Variants in GP2 observed in about 807,000 individuals in gnomAD.
GP2 encodes the protein pancreatic secretory granule membrane major glycoprotein GP2.
A neutral mutation model predicts 60.8 loss-of-function variants in GP2; 58 were observed. That is an observed-to-expected ratio of 0.95 (90% confidence interval 0.77 to 1.19). The LOEUF (loss-of-function observed/expected upper bound fraction) is 1.19. Among genes scored for constraint, GP2 ranks in the 50% most tolerant of loss-of-function variants. GP2 has a pLI of 0.00. For missense variants in GP2, 647 were observed against 667.4 expected, an observed-to-expected ratio of 0.97 and a Z score of 0.34; for synonymous variants, 280 against 253.4, an observed-to-expected ratio of 1.10 and a Z score of -1.00.
At position 20,319,762 on chromosome 16, in the gene GP2, G is replaced by T. The variant is rs1567289374; in HGVS notation, c.865C>A (p.Gln289Lys). The part of the protein sequence containing the change: ...SACRNILERN[Q>K]THAIYKNTLS... ...GTGTTTTTGTAGATGGCATGGGTTT[G>T]ATTTCTCTTTGGCAAAAAAACAAAA... The change falls in exon 6 of 11, where the codon CAA becomes AAA. Residue 289 changes from glutamine to lysine, a missense_variant. Physicochemically the swap from Gln to Lys is moderately conservative, Grantham distance 53. Coordinates refer to ENST00000302555, the MANE Select transcript of GP2 (RefSeq NM_001502.4). 6 of 1,612,718 alleles carry T rather than the reference G, an allele frequency of 3.7e-6. No individual in the cohort carries two copies. The highest frequency in any genetic ancestry group is 3.3e-4 in the Middle Eastern group (2 of 6,052).
intron 2 of GP2, 48 bp downstream of exon 2, chr16:20,326,290 G>A (rs1273763311): frequency 6.3e-7 from 1 of 1,581,840 alleles, no homozygotes; most frequent in African/African-American, 1.3e-5. Context: ...ATCCTCACTT[G>A]CTAGGTCTTC....
intron 10 of GP2, among the ~76,000 whole-genome samples, chr16:20,313,278 TG>T: frequency 6.6e-6 from 1 of 151,684 alleles, no homozygotes. Flanking sequence ...TCTCTCTCTC[TG>T]CGTGTGTGTG....
At chr16:20,322,494 A>C (rs1265333777) in intron 4 of GP2, among the ~76,000 whole-genome samples, 1 of 152,136 alleles carries the variant, frequency 6.6e-6, no homozygotes, top group Non-Finnish European at 1.5e-5. Flanking sequence ...TCAGGCTCAG[A>C]GACAGTAGTG....
At chr16:20,317,854 C>A (rs1359214470) in intron 7 of GP2, among the ~76,000 whole-genome samples, 1 of 152,080 alleles carries the variant, frequency 6.6e-6, no homozygotes, top group Admixed American at 6.5e-5. Flanking sequence ...GATATTTCAC[C>A]CCACAACATT....
chr16:20,317,495 C>T (rs1964222714), intron 7 of GP2, 120 bp from the exon 8 acceptor site: 1 of 724,534 alleles, frequency 1.4e-6, no homozygotes, highest in Admixed American at 2.6e-5. Flanking sequence ...CTGTTTCCTC[C>T]AAGATGTTAT....
chr16:20,322,200 G>A (rs1964384373), intron 4 of GP2, among the ~76,000 whole-genome samples: 2 of 152,206 alleles, frequency 1.3e-5, no homozygotes, highest in African/African-American at 2.4e-5. Flanking sequence ...TCAGAGGAAG[G>A]CATGCTTGTG....
intron 4 of GP2, among the ~76,000 whole-genome samples, chr16:20,321,261 C>T (rs1481259594): frequency 6.6e-6 from 1 of 151,960 alleles, no homozygotes; most frequent in African/African-American, 2.4e-5. Context: ...GGGGTTTTGC[C>T]ATATTGGCCA....
intron 2 of GP2, among the ~76,000 whole-genome samples, chr16:20,325,020 T>C (rs1964494630): frequency 6.6e-6 from 1 of 152,232 alleles, no homozygotes; most frequent in South Asian, 2.1e-4. Context: ...TCGCCCCCAG[T>C]TGAGAACCAC....
intron 10 of GP2, among the ~76,000 whole-genome samples, chr16:20,313,169 A>T (rs748032190): frequency 6.6e-6 from 1 of 152,048 alleles, no homozygotes; most frequent in African/African-American, 2.4e-5. Flanking sequence ...TCTTAATAGT[A>T]TGTGCTTTCC....
chr16:20,313,939 C>G (rs998148665), intron 10 of GP2, among the ~76,000 whole-genome samples: 3 of 152,182 alleles, frequency 2.0e-5, no homozygotes, highest in Non-Finnish European at 4.4e-5. Flanking sequence ...GGGTCTTTGA[C>G]AGCTTTATGG....
chr16:20,324,328 G>T, intron 2 of GP2, 72 bp from the exon 3 acceptor site: 2 of 993,266 alleles, frequency 2.0e-6, no homozygotes, highest in Non-Finnish European at 3.1e-6. Context: ...TCCCCTCCAT[G>T]CTCTATTTTG....
At position 20,320,358 on chromosome 16, in the gene GP2, T is replaced by A. The variant is rs760240871; in HGVS notation, c.762A>T (p.Arg254=). ...GLGEEVIAYL[R]DPNCSSILQT... Reference sequence around the variant, plus strand: ...GCAAGATGCTGCTGCAGTTTGGGTCTCGCAGGTAGGCAATGACCTCCTCCC... The same window carrying A: ...GCAAGATGCTGCTGCAGTTTGGGTCACGCAGGTAGGCAATGACCTCCTCCC... Residue 254 remains arginine (R), a synonymous_variant, in exon 5 of 11, where the codon CGA becomes CGT. Coordinates refer to ENST00000302555, the MANE Select transcript of GP2 (RefSeq NM_001502.4). 2.4e-5 allele frequency: 39 copies of A among 1,613,878 alleles called. No individual in the cohort carries two copies. The Admixed American group carries it at 6.5e-4, about 27-fold the overall frequency.
chr16:20,311,120 A>T lies in GP2; in HGVS notation c.*103T>A. The T allele has an allele frequency of 1.3e-6, 1 of 774,500 alleles. No individual in the cohort carries two copies. The highest frequency in any genetic ancestry group is 2.3e-6 in the Non-Finnish European group (1 of 430,756). 48.0% of individuals were successfully genotyped at this position (774,500 alleles called of 1,614,324 possible). On this transcript the variant is annotated 3_prime_UTR_variant, in exon 11 of 11. Coordinates refer to ENST00000302555, the MANE Select transcript of GP2 (RefSeq NM_001502.4). ...AACCTAGCTTGGCCTTGATTCTATT[A>T]ATACCAAGCCTGTGTGAATTGGAGT...
Position 20,326,378 on chromosome 16 carries a change from C to G in GP2, c.54G>C (p.Leu18Phe), listed in dbSNP as rs779348321. Residue 18 changes from leucine (L) to phenylalanine (F), a missense_variant, in exon 2 of 11, where the codon TTG becomes TTC. Coordinates refer to ENST00000302555, the MANE Select transcript of GP2 (RefSeq NM_001502.4). ...ATGCCTGGGTCAGAATGCAGGAGAC[C>G]AAGGCCAGCCACAGGAGGCCAGAGC... ...MVGSGLLWLA[L>F]VSCILTQASA... 2 of 1,613,686 alleles carry G rather than the reference C, an allele frequency of 1.2e-6. No individual in the cohort carries two copies. Among genetic ancestry groups the G allele is most frequent in the Non-Finnish European group, 1.7e-6 (2 of 1,179,744 alleles).
chr16:20,317,305 C>T lies in GP2; in HGVS notation c.1324G>A (p.Val442Ile), dbSNP rs751397477. 1.2e-6 allele frequency: 2 copies of T among 1,613,238 alleles called. No individual in the cohort carries two copies. The highest frequency in any genetic ancestry group is 1.3e-5 in the African/African-American group (1 of 74,890). Residue 442 changes from valine to isoleucine, a missense_variant, in exon 8 of 11, where the codon GTT (valine) becomes ATT (isoleucine). Coordinates refer to ENST00000302555, the MANE Select transcript of GP2 (RefSeq NM_001502.4). ...NGQSSESRFS[V>I]QMFMFAGHYD... ...TGTCCAGCAAACATGAACATCTGAACTGAGAACCGGCTTTCCGAGGACTGC... is the reference window on the plus strand; with the variant it reads ...TGTCCAGCAAACATGAACATCTGAATTGAGAACCGGCTTTCCGAGGACTGC...
rs1964103148 is a variant in GP2, at chr16:20,314,681, T to C, written c.1522A>G (p.Met508Val). Residue 508 changes from methionine (M) to valine (V), a missense_variant, in exon 10 of 11, where the codon ATG becomes GTG. Met to Val is a conservative substitution (Grantham distance 21, BLOSUM62 1). Coordinates refer to ENST00000302555, the MANE Select transcript of GP2 (RefSeq NM_001502.4). ...TRRGAQSPGV[M>V]NGTPSTAGFL... ...CCTGCAGTGCTAGGGGTTCCATTCA[T>C]GACACCGGGAGACTGTGCACCTGTG... The C allele has an allele frequency of 6.2e-7, 1 of 1,607,338 alleles. No homozygotes were observed. Among genetic ancestry groups the C allele is most frequent in the Non-Finnish European group, 8.5e-7 (1 of 1,173,910 alleles).
intron 4 of GP2, among the ~76,000 whole-genome samples, chr16:20,321,930 A>C (rs1964371271): frequency 6.6e-6 from 1 of 152,212 alleles, no homozygotes; most frequent in South Asian, 2.1e-4. Context: ...CTTAAAGCCC[A>C]AAATCTGACT....
chr16:20,313,281 G>A (rs1021738894), intron 10 of GP2, among the ~76,000 whole-genome samples: 7 of 151,710 alleles, frequency 4.6e-5, no homozygotes, highest in Non-Finnish European at 8.8e-5. Flanking sequence ...CTCTCTCTGC[G>A]TGTGTGTGTG....
At chr16:20,315,205 C>T (rs1964125019) in intron 9 of GP2, among the ~76,000 whole-genome samples, 2 of 152,322 alleles carry the variant, frequency 1.3e-5, no homozygotes, top group African/African-American at 4.8e-5. Context: ...ACCTCCCTCA[C>T]CTGCTGTGAG....
Sources: gnomAD v4.1 joint callset for allele counts (sites outside exome capture counted in the v4.1 genomes callset) on GRCh38, gnomAD v4.1.1 for gene constraint, MANE v1.5 for transcripts, NCBI Gene and HGNC (gene_info 2026-07-23, HGNC 2026-07-21) for gene names.